FBXL20: variants seen among roughly 807,000 people sequenced by gnomAD.
FBXL20 encodes F-box and leucine rich repeat protein 20, also known as F-box/LRR-repeat protein 20.
Under a neutral mutation model 64.0 loss-of-function variants are expected in FBXL20, and 11 were observed. The ratio of observed to expected loss-of-function variants is 0.17; its 90% CI spans 0.11 to 0.28. The LOEUF is 0.28. Among genes scored for constraint, FBXL20 ranks in the 10% least tolerant of loss-of-function variants. FBXL20 has a pLI of 1.00. For synonymous variants in FBXL20, 184 were observed against 189.0 expected (o/e 0.97, Z 0.22); for missense variants, 303 against 526.2 (o/e 0.58, Z 4.15).
At chr17:39,360,353 CT>C (rs2047782625) in intron 1 of FBXL20, among the ~76,000 whole-genome samples, 1 of 152,158 alleles carries the variant, frequency 6.6e-6, no homozygotes, top group African/African-American at 2.4e-5. Context: ...CTTAATGTCA[CT>C]GAACTGTACA....
At chr17:39,336,610 G>C (rs1240467444) in intron 2 of FBXL20, among the ~76,000 whole-genome samples, 1 of 152,102 alleles carries the variant, frequency 6.6e-6, no homozygotes, top group Non-Finnish European at 1.5e-5. Flanking sequence ...TAAATTACGA[G>C]GTGAGGAGTT....
At chr17:39,371,684 G>A (rs1238344394) in intron 1 of FBXL20, among the ~76,000 whole-genome samples, 2 of 147,868 alleles carry the variant, frequency 1.4e-5, no homozygotes, top group African/African-American at 2.5e-5. Context: ...TTTTTGAGAC[G>A]AAGTTTTGCT....
intron 1 of FBXL20, among the ~76,000 whole-genome samples, chr17:39,353,519 G>C (rs2047707903): frequency 6.6e-6 from 1 of 151,688 alleles, no homozygotes; most frequent in Non-Finnish European, 1.5e-5. Flanking sequence ...GTATATATAG[G>C]GTTCTATACT....
intron 5 of FBXL20, 69 bp downstream of exon 5, chr17:39,298,921 C>A (rs936794069): frequency 1.0e-5 from 13 of 1,260,998 alleles, no homozygotes; most frequent in Non-Finnish European, 1.5e-5. Flanking sequence ...ACGATTTTAG[C>A]CTTTTCTGGG....
intron 2 of FBXL20, among the ~76,000 whole-genome samples, chr17:39,312,727 C>T (rs932551534): frequency 2.1e-4 from 29 of 136,274 alleles, no homozygotes; most frequent in African/African-American, 8.9e-4. Context: ...GCACCTGCCA[C>T]CACGCCTGGC....
Sources: allele counts gnomAD v4.1 joint callset (sites outside exome capture counted in the v4.1 genomes callset), GRCh38; gene constraint gnomAD v4.1.1; transcripts MANE v1.5; gene names NCBI Gene and HGNC (gene_info 2026-07-23, HGNC 2026-07-21).